The following SH3RF3 variants were observed in gnomAD, a reference collection of about 807,000 sequenced individuals.
The protein encoded by SH3RF3 is E3 ubiquitin-protein ligase SH3RF3.
In SH3RF3, 29 loss-of-function variants were observed where a neutral mutation model predicts 66.3. The observed-to-expected ratio is 0.44, with a 90% CI of 0.33 to 0.60. The LOEUF (loss-of-function observed/expected upper bound fraction) is 0.60, where lower values mean the gene tolerates loss of function less well. Ranked by LOEUF, SH3RF3 falls within the 20% of genes least tolerant of loss-of-function variation. The pLI is 0.04. For synonymous variants in SH3RF3, 583 were observed against 532.0 expected, an observed-to-expected ratio of 1.10 and a Z score of -1.32; for missense variants, 1,194 against 1,190.9, an observed-to-expected ratio of 1.00 and a Z score of -0.04.
At chr2:109,291,110 A>G (rs956085224) in intron 1 of SH3RF3, among the ~76,000 whole-genome samples, 19 of 152,160 alleles carry the variant, frequency 1.2e-4, no homozygotes, top group African/African-American at 4.6e-4. Flanking sequence ...AGAACCAGTC[A>G]CTTAACAGCT....
Position 109,129,711 on chromosome 2 carries a change from C to T in SH3RF3, c.171C>T (p.Cys57=), listed in dbSNP as rs372754848. 4.6e-6 allele frequency: 7 copies of T among 1,536,794 alleles called. No homozygotes were observed. The highest frequency in any genetic ancestry group is 2.4e-5 in the South Asian group (2 of 83,114). The change falls in exon 1 of 10, where the codon TGC becomes TGT. Residue 57 remains cysteine (C), a synonymous_variant. Transcript: ENST00000309415. The part of the protein sequence containing the change: ...DESSLLDLLE[C]SVCLERLDTT... ...CGTCGCTGCTGGACCTGCTGGAGTG[C>T]TCCGTGTGTCTGGAGCGCCTGGACA...
intron 1 of SH3RF3, among the ~76,000 whole-genome samples, chr2:109,130,606 G>A (rs1676667929): frequency 6.6e-6 from 1 of 152,144 alleles, no homozygotes; most frequent in Non-Finnish European, 1.5e-5. Flanking sequence ...GAGTGGGACT[G>A]GGGTTTGGAG....
At chr2:109,312,989 ATG>A (rs1681767935) in intron 1 of SH3RF3, among the ~76,000 whole-genome samples, 2 of 152,156 alleles carry the variant, frequency 1.3e-5, no homozygotes, top group Admixed American at 1.3e-4. Context: ...ATCTACAGTA[ATG>A]CGGAAGAAGG....
chr2:109,466,243 C>T (rs1261224379), intron 8 of SH3RF3, among the ~76,000 whole-genome samples: 2 of 151,960 alleles, frequency 1.3e-5, no homozygotes. Flanking sequence ...CCACCACACC[C>T]AGCTAATTTT....
intron 1 of SH3RF3, among the ~76,000 whole-genome samples, chr2:109,237,591 G>A (rs894180460): frequency 6.6e-6 from 1 of 152,118 alleles, no homozygotes; most frequent in Admixed American, 6.5e-5. Context: ...AACATTATGA[G>A]ATTTTTGTGT....
chr2:109,472,877 A>G lies in SH3RF3; in HGVS notation c.2149-17728A>G, dbSNP rs144805029. 6.5e-3 allele frequency among the ~76,000 whole-genome samples: 985 copies of G among 152,346 alleles called. 4 individuals carry two copies. The highest frequency in any genetic ancestry group is 8.7e-3 in the Non-Finnish European group (593 of 68,040). Reference sequence around the variant, plus strand: ...GACACACTCAGACATATCCCAGGGCAGACAGCCCTGCTCCAGCCTCTTATT... The same window carrying G: ...GACACACTCAGACATATCCCAGGGCGGACAGCCCTGCTCCAGCCTCTTATT... On this transcript the variant is annotated intron_variant, in intron 8 of 9. Transcript: ENST00000309415.
intron 1 of SH3RF3, among the ~76,000 whole-genome samples, chr2:109,153,910 C>T (rs1257419437): frequency 6.6e-6 from 1 of 152,114 alleles, no homozygotes; most frequent in African/African-American, 2.4e-5. Flanking sequence ...GTTGCAGGGC[C>T]GAGGACAAAA....
intron 8 of SH3RF3, among the ~76,000 whole-genome samples, chr2:109,457,583 G>A (rs549904803): frequency 3.7e-4 from 57 of 152,356 alleles, no homozygotes; most frequent in South Asian, 4.1e-4. Context: ...CAAGCGATGC[G>A]TGTGACAGTG....
chr2:109,223,937 G>C lies in SH3RF3; in HGVS notation c.573+93824G>C, dbSNP rs143674594. Among the ~76,000 whole-genome samples the C allele has an allele frequency of 1.5e-3, 229 of 152,344 alleles. 1 individual carries two copies. The highest frequency in any genetic ancestry group is 1.5e-3 in the Non-Finnish European group (105 of 68,036). On this transcript the variant is annotated intron_variant, in intron 1 of 9. Transcript: ENST00000309415. Reference sequence around the variant, plus strand: ...AGATCACTTGAGCCTGGGGGGTGTGGGTTGCAGTGAGCCATGATTGTGCCA... The same window carrying C: ...AGATCACTTGAGCCTGGGGGGTGTGCGTTGCAGTGAGCCATGATTGTGCCA...
intron 1 of SH3RF3, among the ~76,000 whole-genome samples, chr2:109,140,310 A>G (rs1441235115): frequency 1.3e-5 from 2 of 152,072 alleles, no homozygotes; most frequent in Non-Finnish European, 2.9e-5. Flanking sequence ...TTCTTTGTGA[A>G]TCATAAATCT....
chr2:109,424,441 C>G (rs190846499), intron 5 of SH3RF3, among the ~76,000 whole-genome samples: 2 of 152,096 alleles, frequency 1.3e-5, no homozygotes, highest in Admixed American at 1.3e-4. Flanking sequence ...AACCTCATTT[C>G]ATCGCACTTC....
chr2:109,329,653 A>G (rs151225350), intron 1 of SH3RF3, among the ~76,000 whole-genome samples: 22 of 152,342 alleles, frequency 1.4e-4, no homozygotes, highest in Non-Finnish European at 2.8e-4. Context: ...AGATTTGCAC[A>G]TTTCTAGAGG....
chr2:109,350,341 C>T (rs372591286), intron 2 of SH3RF3, among the ~76,000 whole-genome samples: 1 of 152,296 alleles, frequency 6.6e-6, no homozygotes, highest in East Asian at 1.9e-4. Flanking sequence ...GTGACGGCTC[C>T]CACAGCAGAC....
In SH3RF3 at chr2:109,449,329, G is replaced by A. The variant is rs184186242; in HGVS notation, c.1988G>A (p.Arg663Gln). 13 of 1,605,200 alleles carry A rather than the reference G, an allele frequency of 8.1e-6. No individual in the cohort carries two copies. Among genetic ancestry groups the A allele is most frequent in the African/African-American group, 1.3e-5 (1 of 74,904 alleles). The change falls in exon 8 of 10, where the codon CGG becomes CAG. Residue 663 changes from arginine to glutamine, a missense_variant. Transcript: ENST00000309415. ...CAGCCCCCGGTGCAGATGTGCCCAC[G>A]GCCGGCCATCCCCCTCACATCAGCA... ...SHQPPVQMCP[R>Q]PAIPLTSAAS...
intron 1 of SH3RF3, among the ~76,000 whole-genome samples, chr2:109,338,033 C>T (rs543578977): frequency 6.6e-6 from 1 of 152,088 alleles, no homozygotes; most frequent in South Asian, 2.1e-4. Context: ...CGCCCAGGCT[C>T]CTTCTGTTTT....
intron 1 of SH3RF3, among the ~76,000 whole-genome samples, chr2:109,210,115 A>G (rs1316979113): frequency 6.6e-6 from 1 of 152,218 alleles, no homozygotes; most frequent in Non-Finnish European, 1.5e-5. Context: ...ATTCATCGAC[A>G]TAGCCGCATG....
chr2:109,382,580 C>G (rs1215813554), intron 3 of SH3RF3, among the ~76,000 whole-genome samples: 1 of 152,220 alleles, frequency 6.6e-6, no homozygotes, highest in East Asian at 1.9e-4. Flanking sequence ...TCACCCCACA[C>G]AGAGCACCCC....
intron 1 of SH3RF3, among the ~76,000 whole-genome samples, chr2:109,274,501 A>G (rs564764656): frequency 2.6e-5 from 4 of 152,356 alleles, no homozygotes; most frequent in Non-Finnish European, 5.9e-5. Context: ...GTGAACCTCA[A>G]AAACATTATG....
At chr2:109,131,918 A>G (rs919856060) in intron 1 of SH3RF3, among the ~76,000 whole-genome samples, 2 of 152,222 alleles carry the variant, frequency 1.3e-5, no homozygotes, top group Non-Finnish European at 2.9e-5. Context: ...TTCACACTAC[A>G]CTAGCACTAT....
Sources: gnomAD v4.1 joint callset for allele counts (sites outside exome capture counted in the v4.1 genomes callset) on GRCh38, gnomAD v4.1.1 for gene constraint, MANE v1.5 for transcripts, NCBI Gene and HGNC (gene_info 2026-07-23, HGNC 2026-07-21) for gene names.